SRRM3: variants seen among roughly 807,000 people sequenced by gnomAD.
SRRM3 encodes the protein serine/arginine repetitive matrix 3, also known as serine/arginine repetitive matrix protein 3.
In SRRM3, 27 loss-of-function variants were observed where a neutral mutation model predicts 66.2. That is an observed-to-expected ratio of 0.41 (90% CI 0.30 to 0.56). The LOEUF (loss-of-function observed/expected upper bound fraction) is 0.56, where lower values mean the gene tolerates loss of function less well. Ranked by LOEUF, SRRM3 falls within the 20% of genes least tolerant of loss-of-function variation. The probability of loss-of-function intolerance (pLI) is 0.32; values close to 1 mark genes in which losing one functional copy is unlikely to be tolerated. For synonymous variants in SRRM3, 391 were observed against 414.9 expected, an observed-to-expected ratio of 0.94 and a Z score of 0.70; for missense variants, 918 against 991.9, an observed-to-expected ratio of 0.93 and a Z score of 1.00.
chr7:76,225,624 G>A (rs1800844939), intron 1 of SRRM3, among the ~76,000 whole-genome samples: 1 of 152,138 alleles, frequency 6.6e-6, no homozygotes, highest in East Asian at 1.9e-4. Flanking sequence ...GCTCACTCCT[G>A]TAATCCCAGT....
chr7:76,259,645 T>A (rs1485393506), intron 3 of SRRM3, among the ~76,000 whole-genome samples: 1 of 151,362 alleles, frequency 6.6e-6, no homozygotes, highest in African/African-American at 2.4e-5. Flanking sequence ...GGGTGCGGGC[T>A]AAATAAGGGG....
At chr7:76,283,218 TGGG>T in intron 14 of SRRM3, 117 bp downstream of exon 14, 5 of 848,976 alleles carry the variant, frequency 5.9e-6, no homozygotes, top group Non-Finnish European at 7.7e-6. Context: ...GGCACGGGGA[TGGG>T]GGGGGGTGCT....
chr7:76,276,198 TTCAC>T (rs1298911337), intron 11 of SRRM3, among the ~76,000 whole-genome samples: 10 of 152,166 alleles, frequency 6.6e-5, no homozygotes, highest in South Asian at 6.2e-4. Flanking sequence ...AGGTCCCTGA[TTCAC>T]TCACTCACTC....
chr7:76,207,953 TGAGAGCAGCAGA>T (rs1786999754), intron 1 of SRRM3, among the ~76,000 whole-genome samples: 1 of 152,154 alleles, frequency 6.6e-6, no homozygotes, highest in South Asian at 2.1e-4. Flanking sequence ...TGGGTGGAGC[TGAGAGCAGCAGA>T]GAGAGTCTCT....
intron 11 of SRRM3, among the ~76,000 whole-genome samples, chr7:76,277,182 G>A (rs1020511390): frequency 1.3e-5 from 2 of 152,206 alleles, no homozygotes; most frequent in African/African-American, 4.8e-5. Flanking sequence ...TCAGCACAGG[G>A]GATTGGACTT....
chr7:76,262,646 T>G (rs1174680227), intron 8 of SRRM3, among the ~76,000 whole-genome samples: 2 of 151,022 alleles, frequency 1.3e-5, no homozygotes, highest in Non-Finnish European at 2.9e-5. Context: ...ACATAGTCAG[T>G]CTCTACTGAA....
intron 11 of SRRM3, among the ~76,000 whole-genome samples, chr7:76,279,709 A>C (rs1802446356): frequency 1.3e-5 from 2 of 152,060 alleles, no homozygotes; most frequent in Admixed American, 6.6e-5. Context: ...GGCCAGGGTC[A>C]CTCGGTGAGA....
chr7:76,206,132 C>T (rs1228881641), intron 1 of SRRM3, among the ~76,000 whole-genome samples: 5 of 152,262 alleles, frequency 3.3e-5, no homozygotes, highest in Middle Eastern at 3.4e-3. Flanking sequence ...CTCAGCCTCC[C>T]GAATAGCTAG....
At chr7:76,209,078 G>A (rs1563604512) in intron 1 of SRRM3, among the ~76,000 whole-genome samples, 1 of 152,154 alleles carries the variant, frequency 6.6e-6, no homozygotes, top group Admixed American at 6.5e-5. Flanking sequence ...CAGCCTGGGT[G>A]ACAGAGCAAG....
intron 6 of SRRM3, 42 bp downstream of exon 6, chr7:76,260,945 T>G (rs1368754677): frequency 8.4e-6 from 13 of 1,547,402 alleles, no homozygotes; most frequent in Non-Finnish European, 1.1e-5. Flanking sequence ...GCGGGGGATG[T>G]CTGTGGGTGG....
intron 1 of SRRM3, among the ~76,000 whole-genome samples, chr7:76,208,286 C>T (rs918498269): frequency 2.6e-5 from 4 of 152,112 alleles, no homozygotes; most frequent in African/African-American, 7.2e-5. Context: ...CGCTGGCCTC[C>T]AACCTCCAAC....
At chr7:76,240,036 G>A (rs782459537) in intron 2 of SRRM3, among the ~76,000 whole-genome samples, 1 of 152,082 alleles carries the variant, frequency 6.6e-6, no homozygotes, top group Non-Finnish European at 1.5e-5. Flanking sequence ...TGTGGTGGTG[G>A]ACGCCTGTAA....
intron 11 of SRRM3, among the ~76,000 whole-genome samples, chr7:76,277,360 T>C (rs1324261087): frequency 6.6e-6 from 1 of 152,144 alleles, no homozygotes; most frequent in Non-Finnish European, 1.5e-5. Flanking sequence ...CGGCCTGTGG[T>C]CTTCCTCGCC....
chr7:76,219,878 C>A (rs782417465), intron 1 of SRRM3, among the ~76,000 whole-genome samples: 6 of 152,142 alleles, frequency 3.9e-5, no homozygotes, highest in Non-Finnish European at 8.8e-5. Context: ...CCACTGCACT[C>A]CAGCCTGGAC....
At chr7:76,272,792 A>G (rs1802245434) in intron 11 of SRRM3, among the ~76,000 whole-genome samples, 1 of 152,184 alleles carries the variant, frequency 6.6e-6, no homozygotes, top group African/African-American at 2.4e-5. Context: ...TCCAAATTTT[A>G]TCATGTAATG....
At chr7:76,239,022 A>G (rs1006924266) in intron 2 of SRRM3, among the ~76,000 whole-genome samples, 1 of 151,804 alleles carries the variant, frequency 6.6e-6, no homozygotes, top group South Asian at 2.1e-4. Flanking sequence ...ATCCCTAGCT[A>G]GTCTTGGAGC....
At chr7:76,262,476 C>T (rs1308835102) in intron 8 of SRRM3, among the ~76,000 whole-genome samples, 2 of 135,768 alleles carry the variant, frequency 1.5e-5, no homozygotes, top group Admixed American at 8.0e-5. Context: ...GTGGAGTGCA[C>T]AGCACTCCAG....
chr7:76,266,411 T>C lies in SRRM3; in HGVS notation c.831-847T>C, dbSNP rs1304674999. Among the ~76,000 whole-genome samples, 12 of 113,084 alleles carry C rather than the reference T, an allele frequency of 1.1e-4. No homozygotes were observed. In the Admixed American group the frequency reaches 1.3e-3, roughly 12 times the overall value. 74.2% of individuals were successfully genotyped at this position (113,084 alleles called of 152,430 possible). A position where few individuals can be genotyped will look rare whatever the true frequency, so the allele number is the denominator to read the frequency against. ...ATATATTTATATATTTTAATTTATATATATTTATATATCTATATATAAATA... is the reference window on the plus strand; with the variant it reads ...ATATATTTATATATTTTAATTTATACATATTTATATATCTATATATAAATA... On this transcript the variant is annotated intron_variant, in intron 10 of 14. Transcript: ENST00000611745.
In SRRM3 at chr7:76,246,527, G is replaced by A. The variant is rs1004193302; in HGVS notation, c.234-1661G>A. 1.1e-4 allele frequency among the ~76,000 whole-genome samples: 16 copies of A among 152,108 alleles called. No individual in the cohort carries two copies. The East Asian group carries it at 3.1e-3, about 29-fold the overall frequency. On this transcript the variant is annotated intron_variant, in intron 2 of 14. Transcript: ENST00000611745. ...TGCAGTGAGCTGAGATCGCACCACT[G>A]CACTCCAGGCCAGGCGACAGAACGA...
Sources: allele counts gnomAD v4.1 joint callset (sites outside exome capture counted in the v4.1 genomes callset), GRCh38; gene constraint gnomAD v4.1.1; transcripts MANE v1.5; gene names NCBI Gene and HGNC (gene_info 2026-07-23, HGNC 2026-07-21).